Variants in CTNNA2 observed in about 807,000 individuals in gnomAD.
CTNNA2 encodes catenin alpha 2, also known as catenin alpha-2.
CTNNA2 carries 42 observed loss-of-function variants against 101.0 expected under a neutral mutation model. The observed-to-expected ratio is 0.42, with a 90% CI of 0.32 to 0.54. The LOEUF (loss-of-function observed/expected upper bound fraction) is 0.54, where lower values mean the gene tolerates loss of function less well. Ranked by LOEUF, CTNNA2 falls within the 20% of genes least tolerant of loss-of-function variation. The probability of loss-of-function intolerance (pLI) is 0.14; values close to 1 mark genes in which losing one functional copy is unlikely to be tolerated. For missense variants in CTNNA2, 871 were observed against 1,223.1 expected, an observed-to-expected ratio of 0.71 and a Z score of 4.29; for synonymous variants, 450 against 456.4, an observed-to-expected ratio of 0.99 and a Z score of 0.18.
chr2:79,901,559 A>G (rs1685070639), intron 6 of CTNNA2, among the ~76,000 whole-genome samples: 1 of 152,142 alleles, frequency 6.6e-6, no homozygotes, highest in Non-Finnish European at 1.5e-5. Context: ...CACACTTTAT[A>G]TTATCAAATT....
At chr2:79,787,512 G>A (rs1298672120) in intron 3 of CTNNA2, among the ~76,000 whole-genome samples, 2 of 152,030 alleles carry the variant, frequency 1.3e-5, no homozygotes, top group African/African-American at 2.4e-5. Context: ...ATTTCCTATT[G>A]CTACTGCAAC....
rs116139639 is a variant in CTNNA2, at chr2:79,777,957, A to G, written c.298+33375A>G. On this transcript the variant is annotated intron_variant, in intron 3 of 18. Coordinates refer to ENST00000402739, the MANE Select transcript of CTNNA2 (RefSeq NM_001282597.3). ...AATAAAAGGAAATGATTTATGTGAA[A>G]TTCACATAAAACAAATGGCATGTGA... Among the ~76,000 whole-genome samples the G allele has an allele frequency of 1.2e-3, 180 of 151,444 alleles. 1 individual carries two copies. Among genetic ancestry groups the G allele is most frequent in the Non-Finnish European group, 2.2e-3 (148 of 67,952 alleles).
chr2:79,354,153 T>G (rs1677453231), intron 3 of CTNNA2, among the ~76,000 whole-genome samples: 1 of 152,124 alleles, frequency 6.6e-6, no homozygotes, highest in Non-Finnish European at 1.5e-5. Flanking sequence ...CATTGTGTCT[T>G]GGGGATGATT....
At chr2:80,374,674 C>CGTGTGTGT (rs1190055398) in intron 7 of CTNNA2, among the ~76,000 whole-genome samples, 2 of 117,720 alleles carry the variant, frequency 1.7e-5, no homozygotes, top group Non-Finnish European at 3.3e-5. Context: ...CCTCTGCGTG[C>CGTGTGTGT]GTGCGTGCGT....
chr2:79,330,505 C>T (rs1676847097), intron 3 of CTNNA2, among the ~76,000 whole-genome samples: 1 of 152,146 alleles, frequency 6.6e-6, no homozygotes, highest in Admixed American at 6.5e-5. Flanking sequence ...CAACGCATCT[C>T]ACCCTTCAAA....
intron 7 of CTNNA2, among the ~76,000 whole-genome samples, chr2:80,177,483 G>T (rs927409326): frequency 2.0e-5 from 3 of 152,132 alleles, no homozygotes; most frequent in African/African-American, 7.2e-5. Context: ...ACTCAGTGGT[G>T]GTCATAGCCA....
At chr2:79,642,231 A>T (rs1680495700) in intron 1 of CTNNA2, among the ~76,000 whole-genome samples, 2 of 152,222 alleles carry the variant, frequency 1.3e-5, no homozygotes, top group African/African-American at 4.8e-5. Flanking sequence ...GTGTTTTGTT[A>T]AAAGGTGTGG....
chr2:79,845,764 G>A (rs958887362), intron 3 of CTNNA2, among the ~76,000 whole-genome samples: 2 of 152,020 alleles, frequency 1.3e-5, no homozygotes, highest in African/African-American at 2.4e-5. Context: ...AATCAATTTC[G>A]TTCATTACCC....
intron 7 of CTNNA2, among the ~76,000 whole-genome samples, chr2:79,922,331 A>G (rs1272883454): frequency 1.3e-5 from 2 of 152,066 alleles, no homozygotes; most frequent in African/African-American, 4.8e-5. Flanking sequence ...GGCCTTTTTT[A>G]TTATTTTGTC....
chr2:79,869,250 C>G (rs1682392004), intron 4 of CTNNA2, among the ~76,000 whole-genome samples: 1 of 152,152 alleles, frequency 6.6e-6, no homozygotes, highest in Non-Finnish European at 1.5e-5. Context: ...CAAATAGCAA[C>G]AAAACTTCAA....
At chr2:79,801,255 A>G (rs1676130496) in intron 3 of CTNNA2, among the ~76,000 whole-genome samples, 1 of 152,148 alleles carries the variant, frequency 6.6e-6, no homozygotes. Context: ...ATGGAACCTA[A>G]CAGCAGCTAG....
chr2:79,716,752 T>C (rs905835156), intron 2 of CTNNA2, among the ~76,000 whole-genome samples: 23 of 151,862 alleles, frequency 1.5e-4, no homozygotes, highest in African/African-American at 5.3e-4. Context: ...CGTTGAAGAG[T>C]GTAGGAAGAC....
At chr2:79,631,263 G>A (rs1337092900) in intron 1 of CTNNA2, among the ~76,000 whole-genome samples, 1 of 152,126 alleles carries the variant, frequency 6.6e-6, no homozygotes, top group Non-Finnish European at 1.5e-5. Context: ...CTACTTGGGT[G>A]TGTAGTCCTG....
At chr2:79,648,954 G>T (rs1189431513) in intron 1 of CTNNA2, among the ~76,000 whole-genome samples, 1 of 152,078 alleles carries the variant, frequency 6.6e-6, no homozygotes, top group Non-Finnish European at 1.5e-5. Flanking sequence ...CACAAGAAAT[G>T]ACTAAAAAGA....
chr2:79,909,789 A>G lies in CTNNA2; in HGVS notation c.1048A>G (p.Met350Val), dbSNP rs759706163. The change falls in exon 7 of 19, where the codon ATG becomes GTG. Residue 350 changes from methionine to valine, a missense_variant. Met to Val is a conservative substitution (Grantham distance 21, BLOSUM62 1). Coordinates refer to ENST00000402739, the MANE Select transcript of CTNNA2 (RefSeq NM_001282597.3). ...QALQDLLSEY[M>V]NNTGRKEKGD... Reference sequence around the variant, plus strand: ...GCTCCAGGACCTGCTCAGCGAGTACATGAATAATGTAAGTCTTGGGATCTC... The same window carrying G: ...GCTCCAGGACCTGCTCAGCGAGTACGTGAATAATGTAAGTCTTGGGATCTC... 3 of 1,603,196 alleles carry G rather than the reference A, an allele frequency of 1.9e-6. No individual in the cohort carries two copies. The highest frequency in any genetic ancestry group is 2.6e-6 in the Non-Finnish European group (3 of 1,172,642).
At chr2:79,534,406 T>G (rs897716241) in intron 1 of CTNNA2, among the ~76,000 whole-genome samples, 1 of 152,126 alleles carries the variant, frequency 6.6e-6, no homozygotes, top group Admixed American at 6.5e-5. Flanking sequence ...TATTGTTTGT[T>G]ATAACGCTAG....
At chr2:79,460,519 A>G (rs1292229781) in intron 4 of CTNNA2, among the ~76,000 whole-genome samples, 1 of 152,086 alleles carries the variant, frequency 6.6e-6, no homozygotes, top group Non-Finnish European at 1.5e-5. Flanking sequence ...AAATGTTCTC[A>G]CTCTCTATTC....
At chr2:79,234,923 C>G (rs896517536) in intron 2 of CTNNA2, among the ~76,000 whole-genome samples, 2 of 152,138 alleles carry the variant, frequency 1.3e-5, no homozygotes, top group African/African-American at 4.8e-5. Flanking sequence ...CATCTTTCAG[C>G]TCCTGGATTG....
intron 1 of CTNNA2, among the ~76,000 whole-genome samples, chr2:79,618,688 C>A (rs1678800046): frequency 6.6e-6 from 1 of 150,860 alleles, no homozygotes; most frequent in Admixed American, 6.6e-5. Context: ...TTCTTGTTTT[C>A]TTCTCCAAGT....
Sources: allele counts gnomAD v4.1 joint callset (sites outside exome capture counted in the v4.1 genomes callset), GRCh38; gene constraint gnomAD v4.1.1; transcripts MANE v1.5; gene names NCBI Gene and HGNC (gene_info 2026-07-23, HGNC 2026-07-21).